CA10: variants seen among roughly 807,000 people sequenced by gnomAD.
CA10 encodes the protein carbonic anhydrase-related protein 10.
In CA10, 14 loss-of-function variants were observed where a neutral mutation model predicts 44.2. The observed-to-expected ratio is 0.32, with a 90% confidence interval of 0.21 to 0.50. CA10 has a LOEUF of 0.50. CA10 is among the 20% of genes least tolerant of loss of function. The pLI, the probability that CA10 is intolerant of heterozygous loss-of-function variation, is 0.99. For missense variants in CA10, 350 were observed against 409.7 expected (o/e 0.85, Z 1.26); for synonymous variants, 159 against 141.6 (o/e 1.12, Z -0.87).
chr17:51,678,723 G>C (rs947722740), intron 4 of CA10, among the ~76,000 whole-genome samples: 3 of 152,238 alleles, frequency 2.0e-5, no homozygotes, highest in Non-Finnish European at 1.5e-5. Context: ...ATGTGAAGGA[G>C]AAGGATGCAG....
At chr17:52,069,683 G>C (rs1035599213) in intron 2 of CA10, among the ~76,000 whole-genome samples, 2 of 152,112 alleles carry the variant, frequency 1.3e-5, no homozygotes, top group African/African-American at 4.8e-5. Context: ...CACAAGGTAG[G>C]TACTCCATAA....
intron 2 of CA10, among the ~76,000 whole-genome samples, chr17:51,979,201 C>A (rs1000117195): frequency 6.6e-6 from 1 of 152,134 alleles, no homozygotes; most frequent in Non-Finnish European, 1.5e-5. Context: ...TTTCCTCCCC[C>A]ACTTATGACA....
At chr17:51,815,337 T>A (rs1323443599) in intron 3 of CA10, among the ~76,000 whole-genome samples, 1 of 152,144 alleles carries the variant, frequency 6.6e-6, no homozygotes, top group Non-Finnish European at 1.5e-5. Context: ...GCGTGTCCAA[T>A]TATTGAGGCA....
intron 1 of CA10, among the ~76,000 whole-genome samples, chr17:52,114,064 C>A (rs953134452): frequency 1.3e-5 from 2 of 152,182 alleles, no homozygotes; most frequent in Admixed American, 6.5e-5. Context: ...AGAGTCAGTA[C>A]GAATGAACAG....
chr17:51,753,414 C>T lies in CA10; in HGVS notation c.280-5596G>A, dbSNP rs191887296. ...TGGGGCCTCTAATAAATGGGGTCAT[C>T]TTTTTTCATTCTGGTGACACTATCA... is the stretch of plus-strand genomic sequence containing the variant. On this transcript the variant is annotated intron_variant, in intron 3 of 8. Coordinates refer to ENST00000451037, the MANE Select transcript of CA10 (RefSeq NM_020178.5). 2.8e-3 allele frequency among the ~76,000 whole-genome samples: 419 copies of T among 152,240 alleles called. 2 individuals are homozygous for T. The highest frequency in any genetic ancestry group is 4.9e-3 in the Non-Finnish European group (331 of 68,026).
intron 2 of CA10, among the ~76,000 whole-genome samples, chr17:51,991,397 A>G (rs916713307): frequency 2.6e-5 from 4 of 152,140 alleles, no homozygotes; most frequent in Admixed American, 2.0e-4. Flanking sequence ...TTTGTATGCA[A>G]TGACCCCTGT....
At chr17:52,055,439 T>C (rs1223442494) in intron 2 of CA10, among the ~76,000 whole-genome samples, 1 of 150,854 alleles carries the variant, frequency 6.6e-6, no homozygotes, top group Non-Finnish European at 1.5e-5. Context: ...TGAGAAAGAA[T>C]AGAAATAATC....
At chr17:52,040,037 A>G (rs1986724531) in intron 2 of CA10, among the ~76,000 whole-genome samples, 1 of 152,246 alleles carries the variant, frequency 6.6e-6, no homozygotes, top group Non-Finnish European at 1.5e-5. Context: ...GACTAGACAC[A>G]CAATGTGTGA....
At chr17:52,015,486 A>G (rs1985939660) in intron 2 of CA10, among the ~76,000 whole-genome samples, 1 of 152,150 alleles carries the variant, frequency 6.6e-6, no homozygotes, top group South Asian at 2.1e-4. Flanking sequence ...AAATCCTAAG[A>G]AAGTTAATAG....
At chr17:51,865,858 G>T (rs1979523573) in intron 3 of CA10, among the ~76,000 whole-genome samples, 1 of 152,190 alleles carries the variant, frequency 6.6e-6, no homozygotes, top group Non-Finnish European at 1.5e-5. Context: ...TCCACTAGAA[G>T]CACCCACAGC....
intron 2 of CA10, among the ~76,000 whole-genome samples, chr17:52,032,282 TTTA>T (rs960971832): frequency 1.3e-5 from 2 of 151,968 alleles, no homozygotes; most frequent in African/African-American, 2.4e-5. Context: ...TCAATATCAC[TTTA>T]TTATTATTAT....
chr17:51,664,453 A>AG lies in CA10; in HGVS notation c.466-10718dup, dbSNP rs955084380. Among the ~76,000 whole-genome samples the AG allele has an allele frequency of 1.3e-3, 194 of 152,240 alleles. 1 individual carries two copies. The highest frequency in any genetic ancestry group is 4.5e-3 in the African/African-American group (187 of 41,524). On this transcript the variant is annotated intron_variant, in intron 4 of 8. Transcript: ENST00000451037. ...CATCAATTGAATGAAGCAGAAAAAA[A>AG]GGGACATGAACATCTCAATATGGAG...
chr17:51,679,271 T>TC (rs1181518823), intron 4 of CA10, among the ~76,000 whole-genome samples: 1 of 140,788 alleles, frequency 7.1e-6, no homozygotes, highest in African/African-American at 2.5e-5. Flanking sequence ...TCTCTTTTTT[T>TC]TTTTTTGGGA....
At chr17:51,796,556 A>G (rs1402245642) in intron 3 of CA10, among the ~76,000 whole-genome samples, 1 of 152,186 alleles carries the variant, frequency 6.6e-6, no homozygotes, top group African/African-American at 2.4e-5. Flanking sequence ...GTACTTTTTT[A>G]GGTAATTTGA....
chr17:51,741,084 A>T (rs527362878), intron 4 of CA10, among the ~76,000 whole-genome samples: 3 of 152,330 alleles, frequency 2.0e-5, no homozygotes, highest in African/African-American at 7.2e-5. Flanking sequence ...ATAGACAATC[A>T]ATATTTGTTA....
chr17:51,935,900 T>C (rs1277940371), intron 2 of CA10, among the ~76,000 whole-genome samples: 1 of 152,142 alleles, frequency 6.6e-6, no homozygotes, highest in Non-Finnish European at 1.5e-5. Flanking sequence ...TCAAGTCCGA[T>C]AAGGAGAGTT....
chr17:52,099,451 GT>G (rs1403484862), intron 1 of CA10, among the ~76,000 whole-genome samples: 16 of 152,156 alleles, frequency 1.1e-4, no homozygotes, highest in Non-Finnish European at 2.2e-4. Flanking sequence ...GAATTACTGG[GT>G]AGCTACTTTT....
intron 3 of CA10, among the ~76,000 whole-genome samples, chr17:51,886,806 TTC>T (rs1980621912): frequency 6.6e-6 from 1 of 152,188 alleles, no homozygotes; most frequent in South Asian, 2.1e-4. Context: ...AGTGAATTTG[TTC>T]TCTGTTTGAG....
intron 2 of CA10, among the ~76,000 whole-genome samples, chr17:51,989,861 C>T (rs192245354): frequency 1.6e-4 from 24 of 152,222 alleles, no homozygotes; most frequent in Admixed American, 5.9e-4. Flanking sequence ...TCTTCATGTC[C>T]ATCATTCCTC....
Sources: gnomAD v4.1 joint callset for allele counts (sites outside exome capture counted in the v4.1 genomes callset) on GRCh38, gnomAD v4.1.1 for gene constraint, MANE v1.5 for transcripts, NCBI Gene and HGNC (gene_info 2026-07-23, HGNC 2026-07-21) for gene names.